AGTPBP1: variants seen among roughly 807,000 people sequenced by gnomAD.
AGTPBP1 encodes the protein cytosolic carboxypeptidase 1.
A neutral mutation model predicts 143.9 loss-of-function variants in AGTPBP1; 70 were observed. The observed-to-expected ratio is 0.49, with a 90% CI of 0.40 to 0.59. The LOEUF is 0.59. AGTPBP1 is among the 20% of genes least tolerant of loss of function. AGTPBP1 has a pLI of 0.00. For synonymous variants in AGTPBP1, 463 were observed against 500.2 expected, an observed-to-expected ratio of 0.93 and a Z score of 0.99; for missense variants, 1,229 against 1,464.5, an observed-to-expected ratio of 0.84 and a Z score of 2.62.
chr9:85,706,184 A>C (rs774879103), intron 2 of AGTPBP1, among the ~76,000 whole-genome samples: 1 of 152,056 alleles, frequency 6.6e-6, no homozygotes, highest in African/African-American at 2.4e-5. Context: ...AGAAGGAAGA[A>C]AAGGAGGAAG....
intron 19 of AGTPBP1, among the ~76,000 whole-genome samples, chr9:85,590,148 C>A (rs371265437): frequency 1.3e-5 from 2 of 151,736 alleles, no homozygotes; most frequent in East Asian, 3.9e-4. Context: ...ATTTATTTTC[C>A]TGATTTCAAG....
At chr9:85,763,765 G>A in the AGTPBP1 span, among the ~76,000 whole-genome samples, 1 of 152,056 alleles carries the variant, frequency 6.6e-6, no homozygotes, top group Non-Finnish European at 1.5e-5. Flanking sequence ...AACTGAAAAG[G>A]TTGAAGGTGG....
Position 85,657,463 on chromosome 9 carries a change from C to G in AGTPBP1, c.881G>C (p.Gly294Ala), listed in dbSNP as rs1294066038. The change falls in exon 10 of 26, where the codon GGG becomes GCG. Residue 294 changes from glycine to alanine, a missense_variant. Around this residue, in one of 2 missense-constraint regions of AGTPBP1, gnomAD observed 743 missense variants for 812.2 expected, o/e 0.91. Transcript: ENST00000357081. ...LGRKAFIDANGMKILYNTSQE... is the reference protein window; with the variant it reads ...LGRKAFIDANAMKILYNTSQE... ...CGAAGTATTATACAGAATTTTCATC[C>G]CATTGGCATCAATAAATGCTTTTCT... The G allele has an allele frequency of 1.2e-6, 2 of 1,613,312 alleles. No individual in the cohort carries two copies. Among genetic ancestry groups the G allele is most frequent in the Admixed American group, 3.3e-5 (2 of 59,970 alleles).
chr9:85,661,564 C>T (rs13300789), intron 8 of AGTPBP1, among the ~76,000 whole-genome samples: 1 of 151,998 alleles, frequency 6.6e-6, no homozygotes, highest in South Asian at 2.1e-4. Context: ...AGAAGCCTAA[C>T]TAATATCTCA....
At chr9:85,759,673 A>C in the AGTPBP1 span, among the ~76,000 whole-genome samples, 1 of 152,240 alleles carries the variant, frequency 6.6e-6, no homozygotes, top group Non-Finnish European at 1.5e-5. Flanking sequence ...AAAGCAGGAA[A>C]GATCTAAAAT....
intron 4 of AGTPBP1, among the ~76,000 whole-genome samples, chr9:85,679,881 T>A (rs535305005): frequency 1.5e-4 from 23 of 152,354 alleles, no homozygotes; most frequent in African/African-American, 5.3e-4. Flanking sequence ...TTCTTTGTTG[T>A]AAGATTATTT....
At position 85,620,670 on chromosome 9, in the gene AGTPBP1, A is replaced by G. The variant is rs541065036; in HGVS notation, c.2099+532T>C. On this transcript the variant is annotated intron_variant, in intron 15 of 25. Transcript: ENST00000357081. Reference sequence around the variant, plus strand: ...ATCCTAAATAGTAAATGACTAACACATCAAGGATCACAAAAAAAGGCATTC... The same window carrying G: ...ATCCTAAATAGTAAATGACTAACACGTCAAGGATCACAAAAAAAGGCATTC... Among the ~76,000 whole-genome samples the G allele has an allele frequency of 5.3e-5, 8 of 152,290 alleles. No homozygotes were observed. In the East Asian group the frequency reaches 1.5e-3, roughly 29 times the overall value.
the AGTPBP1 span, chr9:85,770,330 A>C: frequency 6.2e-7 from 1 of 1,608,034 alleles, no homozygotes; most frequent in Non-Finnish European, 8.5e-7. Context: ...GAAGCTTTGG[A>C]AGCTGCAATT....
chr9:85,790,032 T>A, the AGTPBP1 span, among the ~76,000 whole-genome samples: 2 of 152,216 alleles, frequency 1.3e-5, no homozygotes, highest in Non-Finnish European at 1.5e-5. Flanking sequence ...CCACAATTCC[T>A]CTCTCAACTT....
At chr9:85,697,459 T>TG (rs1264554069) in intron 2 of AGTPBP1, among the ~76,000 whole-genome samples, 8 of 135,658 alleles carry the variant, frequency 5.9e-5, no homozygotes, top group East Asian at 2.1e-4. Context: ...TTTTTTTTTT[T>TG]TTTTTTTTTT....
chr9:85,778,532 C>T, the AGTPBP1 span, among the ~76,000 whole-genome samples: 2 of 152,190 alleles, frequency 1.3e-5, no homozygotes, highest in Non-Finnish European at 2.9e-5. Context: ...CAGCCTGGAC[C>T]TATTGCAGAG....
upstream of AGTPBP1, among the ~76,000 whole-genome samples, chr9:85,746,219 T>G (rs986107839): frequency 1.3e-5 from 2 of 152,144 alleles, no homozygotes; most frequent in Non-Finnish European, 2.9e-5. Context: ...CTATAAAATC[T>G]GCTGCGATCC....
chr9:85,762,822 T>C, the AGTPBP1 span, among the ~76,000 whole-genome samples: 5 of 147,982 alleles, frequency 3.4e-5, no homozygotes, highest in East Asian at 5.8e-4. Context: ...TGTAAAACTT[T>C]ATATATATAT....
chr9:85,705,351 T>A (rs184927515), intron 2 of AGTPBP1, among the ~76,000 whole-genome samples: 12 of 147,032 alleles, frequency 8.2e-5, no homozygotes, highest in African/African-American at 2.9e-4. Context: ...CTAAGATAAG[T>A]ATGACAACAG....
At chr9:85,731,320 T>C (rs924621152) in intron 1 of AGTPBP1, among the ~76,000 whole-genome samples, 15 of 152,148 alleles carry the variant, frequency 9.9e-5, no homozygotes, top group Non-Finnish European at 2.1e-4. Flanking sequence ...AGACAGATAA[T>C]AACAAGTGTT....
the AGTPBP1 span, among the ~76,000 whole-genome samples, chr9:85,762,354 A>G: frequency 2.0e-5 from 3 of 151,656 alleles, no homozygotes; most frequent in East Asian, 5.8e-4. Flanking sequence ...CACAATAGCA[A>G]AGACTTGGAA....
upstream of AGTPBP1, among the ~76,000 whole-genome samples, chr9:85,742,414 C>T (rs1386209026): frequency 6.6e-6 from 1 of 151,822 alleles, no homozygotes; most frequent in Non-Finnish European, 1.5e-5. Context: ...AAGCTCCCCA[C>T]GTGATCCCGG....
intron 17 of AGTPBP1, among the ~76,000 whole-genome samples, chr9:85,598,121 T>C (rs1433344078): frequency 6.6e-6 from 1 of 152,200 alleles, no homozygotes; most frequent in East Asian, 1.9e-4. Context: ...TCAACAGCTA[T>C]AGCTTCTTCA....
At chr9:85,576,207 T>G (rs1032044475) in intron 24 of AGTPBP1, among the ~76,000 whole-genome samples, 1 of 152,194 alleles carries the variant, frequency 6.6e-6, no homozygotes, top group African/African-American at 2.4e-5. Flanking sequence ...ATACTCCTTC[T>G]TTATCATTTA....
Sources: allele counts gnomAD v4.1 joint callset (sites outside exome capture counted in the v4.1 genomes callset), GRCh38; gene constraint gnomAD v4.1.1; regional missense constraint gnomAD v4.1.1; transcripts MANE v1.5; gene names NCBI Gene and HGNC (gene_info 2026-07-23, HGNC 2026-07-21).